The following DCC variants were observed in gnomAD, a reference collection of about 807,000 sequenced individuals.
DCC encodes DCC netrin 1 receptor, also known as netrin receptor DCC.
DCC carries 58 observed loss-of-function variants against 172.5 expected under a neutral mutation model. That is an observed-to-expected ratio of 0.34 (90% CI 0.27 to 0.42). The LOEUF (loss-of-function observed/expected upper bound fraction) is 0.42, where lower values mean the gene tolerates loss of function less well. Among genes scored for constraint, DCC ranks in the 10% least tolerant of loss-of-function variants. The pLI is 1.00. For missense variants in DCC, 1,740 were observed against 1,791.0 expected, an observed-to-expected ratio of 0.97 and a Z score of 0.51; for synonymous variants, 709 against 644.5, an observed-to-expected ratio of 1.10 and a Z score of -1.52.
chr18:52,705,740 G>A (rs1599034044), intron 1 of DCC, among the ~76,000 whole-genome samples: 1 of 152,090 alleles, frequency 6.6e-6, no homozygotes, highest in Non-Finnish European at 1.5e-5. Flanking sequence ...GCCACGGCCT[G>A]GCACAAATAT....
chr18:53,488,094 G>T (rs2045922019), intron 26 of DCC, among the ~76,000 whole-genome samples: 1 of 152,154 alleles, frequency 6.6e-6, no homozygotes, highest in African/African-American at 2.4e-5. Context: ...TTGATTTCTT[G>T]TATATTCTCT....
intron 1 of DCC, among the ~76,000 whole-genome samples, chr18:52,712,096 G>A (rs2036302528): frequency 6.6e-6 from 1 of 152,058 alleles, no homozygotes; most frequent in Non-Finnish European, 1.5e-5. Context: ...GAGTAGCTGG[G>A]ACTACAGGCA....
chr18:52,667,738 G>A (rs555034585), intron 1 of DCC, among the ~76,000 whole-genome samples: 2 of 152,310 alleles, frequency 1.3e-5, no homozygotes, highest in South Asian at 4.1e-4. Flanking sequence ...GAGCTGGAGG[G>A]TGAGCAGATT....
At chr18:52,663,227 A>G (rs2035396967) in intron 1 of DCC, among the ~76,000 whole-genome samples, 1 of 152,228 alleles carries the variant, frequency 6.6e-6, no homozygotes, top group African/African-American at 2.4e-5. Flanking sequence ...TTTGCATCCT[A>G]AGTAACGTTT....
chr18:52,501,402 A>G (rs940693413), intron 1 of DCC, among the ~76,000 whole-genome samples: 4 of 152,156 alleles, frequency 2.6e-5, no homozygotes, highest in African/African-American at 7.2e-5. Context: ...CACACCTTAT[A>G]TGAATGTATC....
chr18:53,309,499 T>G (rs2057239779), intron 13 of DCC, among the ~76,000 whole-genome samples: 1 of 152,226 alleles, frequency 6.6e-6, no homozygotes, highest in African/African-American at 2.4e-5. Context: ...GGGATACCAT[T>G]CAAACTACTA....
At chr18:52,342,264 G>C (rs1983674265) in intron 1 of DCC, among the ~76,000 whole-genome samples, 1 of 133,602 alleles carries the variant, frequency 7.5e-6, no homozygotes, top group African/African-American at 2.7e-5. Context: ...GCAGGCAGGA[G>C]GGGTGTGTGT....
chr18:52,429,015 T>G (rs1987533796), intron 1 of DCC, among the ~76,000 whole-genome samples: 1 of 152,036 alleles, frequency 6.6e-6, no homozygotes, highest in South Asian at 2.1e-4. Context: ...CATCCCCAAC[T>G]CCTACCCTCT....
rs571698979 is a variant in DCC at position 52,367,188 on chromosome 18, A to C, written c.91+26310A>C. Among the ~76,000 whole-genome samples the C allele has an allele frequency of 3.1e-3, 476 of 151,564 alleles. 7 individuals carry two copies. The highest frequency in any genetic ancestry group is 0.011 in the African/African-American group (452 of 41,092). On this transcript the variant is annotated intron_variant, in intron 1 of 28. Coordinates refer to ENST00000442544, the MANE Select transcript of DCC (RefSeq NM_005215.4). ...TGCCCGGGGCCAGCAGGGCTGGCCG[A>C]CTGCTCTGAGTGCGGGGCCCGCCAA...
intron 27 of DCC, among the ~76,000 whole-genome samples, chr18:53,510,048 A>AACAT (rs2046231592): frequency 6.6e-6 from 1 of 152,158 alleles, no homozygotes; most frequent in Non-Finnish European, 1.5e-5. Context: ...TGCCTAAATG[A>AACAT]ACATCAGTAG....
At chr18:53,476,720 C>T (rs144024026) in intron 25 of DCC, among the ~76,000 whole-genome samples, 9 of 152,142 alleles carry the variant, frequency 5.9e-5, no homozygotes, top group East Asian at 1.9e-4. Context: ...TGATGGAAGT[C>T]GATTAGTGGA....
In DCC at chr18:53,168,244, A is replaced by G. The variant is rs901790141; in HGVS notation, c.1419-10718A>G. Among the ~76,000 whole-genome samples the G allele has an allele frequency of 7.9e-5, 12 of 152,204 alleles. No homozygotes were observed. In the South Asian group the frequency reaches 2.5e-3, roughly 32 times the overall value. On this transcript the variant is annotated intron_variant, in intron 8 of 28. Transcript: ENST00000442544. ...TACCCAAAGGATTATAAATCATTCT[A>G]CTATAAAGACACATGCACACGTGTG...
chr18:52,538,170 C>G (rs979605820), intron 1 of DCC, among the ~76,000 whole-genome samples: 9 of 152,146 alleles, frequency 5.9e-5, no homozygotes, highest in Non-Finnish European at 1.0e-4. Context: ...CGAAGTCTCC[C>G]AGTAGTCTTG....
At chr18:52,423,405 C>A (rs1292301910) in intron 1 of DCC, among the ~76,000 whole-genome samples, 1 of 152,036 alleles carries the variant, frequency 6.6e-6, no homozygotes, top group East Asian at 1.9e-4. Flanking sequence ...GACCATTGGA[C>A]CATGAAATGT....
intron 1 of DCC, among the ~76,000 whole-genome samples, chr18:52,365,054 G>A (rs913761282): frequency 6.6e-6 from 1 of 152,184 alleles, no homozygotes; most frequent in African/African-American, 2.4e-5. Flanking sequence ...AGAAGGATGT[G>A]TTTGAAAATA....
intron 15 of DCC, among the ~76,000 whole-genome samples, chr18:53,374,960 C>T (rs954955983): frequency 6.6e-6 from 1 of 152,150 alleles, no homozygotes. Context: ...CCATTTGGGC[C>T]TACTTGCTGT....
chr18:53,312,509 A>AG (rs1485447459), intron 13 of DCC, among the ~76,000 whole-genome samples: 1 of 136,926 alleles, frequency 7.3e-6, no homozygotes, highest in African/African-American at 2.8e-5. Flanking sequence ...CTAAGATAAC[A>AG]GCTTTTCAAA....
chr18:53,460,293 T>A (rs12970460), intron 24 of DCC, among the ~76,000 whole-genome samples: 1 of 117,836 alleles, frequency 8.5e-6, no homozygotes, highest in Non-Finnish European at 1.8e-5. Context: ...TTTTTTTTTT[T>A]TTTTTTTTTT....
chr18:52,899,631 G>A (rs1440547729), intron 2 of DCC, among the ~76,000 whole-genome samples: 5 of 151,606 alleles, frequency 3.3e-5, no homozygotes, highest in Non-Finnish European at 1.5e-5. Flanking sequence ...CTGGGATTAC[G>A]GGCATGAGCC....
Sources: gnomAD v4.1 joint callset for allele counts (sites outside exome capture counted in the v4.1 genomes callset) on GRCh38, gnomAD v4.1.1 for gene constraint, MANE v1.5 for transcripts, NCBI Gene and HGNC (gene_info 2026-07-23, HGNC 2026-07-21) for gene names.